The following CNTNAP4 variants were observed in gnomAD, a reference collection of about 807,000 sequenced individuals.
The protein encoded by CNTNAP4 is contactin-associated protein-like 4.
CNTNAP4 carries 98 observed loss-of-function variants against 148.4 expected under a neutral mutation model. That is an observed-to-expected ratio of 0.66 (90% CI 0.56 to 0.78). The LOEUF is 0.78. Ranked by LOEUF, CNTNAP4 falls within the 30% of genes least tolerant of loss-of-function variation. CNTNAP4 has a pLI of 0.00. For missense variants in CNTNAP4, 1,935 were observed against 1,565.6 expected, an observed-to-expected ratio of 1.24 and a Z score of -3.98; for synonymous variants, 730 against 565.1, an observed-to-expected ratio of 1.29 and a Z score of -4.14.
In CNTNAP4 at chr16:76,498,550, T is replaced by C. The variant is rs1205182199; in HGVS notation, c.2238-17T>C. The C allele has an allele frequency of 3.8e-6, 6 of 1,599,246 alleles. No individual in the cohort carries two copies. The highest frequency in any genetic ancestry group is 5.1e-6 in the Non-Finnish European group (6 of 1,174,550). On this transcript the variant is annotated splice_polypyrimidine_tract_variant and intron_variant, in intron 14 of 23. Coordinates refer to ENST00000611870, the MANE Select transcript of CNTNAP4 (RefSeq NM_033401.5). ...TTAAAAGTTCTTAAGAATTTTGTTG[T>C]TGCTATTGTTTTTTAGGACCAATGA...
intron 4 of CNTNAP4, among the ~76,000 whole-genome samples, chr16:76,443,452 G>T (rs1474219746): frequency 6.6e-6 from 1 of 152,102 alleles, no homozygotes; most frequent in Non-Finnish European, 1.5e-5. Context: ...GGACATGGTG[G>T]CAAATTCCTG....
At chr16:76,353,798 G>A (rs534935148) in intron 2 of CNTNAP4, among the ~76,000 whole-genome samples, 4 of 152,162 alleles carry the variant, frequency 2.6e-5, no homozygotes, top group Non-Finnish European at 5.9e-5. Context: ...TCATCTATCA[G>A]AGTATCATTA....
At chr16:76,285,782 T>C (rs1958855984) in intron 1 of CNTNAP4, among the ~76,000 whole-genome samples, 1 of 152,142 alleles carries the variant, frequency 6.6e-6, no homozygotes, top group South Asian at 2.1e-4. Flanking sequence ...TCAATGTCCT[T>C]TGAATAAGGA....
At chr16:76,306,896 G>GTTGA (rs1960534132) in intron 1 of CNTNAP4, among the ~76,000 whole-genome samples, 1 of 152,178 alleles carries the variant, frequency 6.6e-6, no homozygotes, top group Non-Finnish European at 1.5e-5. Context: ...TTTATAGGCA[G>GTTGA]AGGTACATCA....
At chr16:76,300,135 A>T (rs2143923067) in intron 1 of CNTNAP4, among the ~76,000 whole-genome samples, 1 of 152,168 alleles carries the variant, frequency 6.6e-6, no homozygotes. Context: ...CCTAAAACTT[A>T]AAAGTATAAT....
At chr16:76,384,366 A>T (rs1000146785) in intron 3 of CNTNAP4, among the ~76,000 whole-genome samples, 1 of 151,992 alleles carries the variant, frequency 6.6e-6, no homozygotes, top group Admixed American at 6.6e-5. Flanking sequence ...ATACAATACA[A>T]CTTTACTTGT....
intron 1 of CNTNAP4, among the ~76,000 whole-genome samples, chr16:76,289,576 C>T (rs1323688743): frequency 3.4e-5 from 5 of 146,866 alleles, no homozygotes; most frequent in Admixed American, 6.8e-5. Flanking sequence ...TTTTATTTTC[C>T]GCCTGTTTTT....
chr16:76,553,616 T>A (rs1036329698), intron 22 of CNTNAP4, 115 bp downstream of exon 22: 2 of 801,768 alleles, frequency 2.5e-6, no homozygotes, highest in Admixed American at 2.7e-5. Context: ...AAAGTTGGTT[T>A]TGTTTGTTTA....
In CNTNAP4 at chr16:76,357,538, A is replaced by T. The variant is rs57075082; in HGVS notation, c.390+2027A>T. ...CTGTTAAGGTAACATTGCTTTCTAG[A>T]CTCTGCTGTAATTTGTTGATTTACT... On this transcript the variant is annotated intron_variant, in intron 3 of 23. Coordinates refer to ENST00000611870, the MANE Select transcript of CNTNAP4 (RefSeq NM_033401.5). Among the ~76,000 whole-genome samples the T allele has an allele frequency of 1.6e-4, 25 of 152,038 alleles. 1 individual carries two copies. Among genetic ancestry groups the T allele is most frequent in the African/African-American group, 6.0e-4 (25 of 41,382 alleles).
At chr16:76,410,235 T>A (rs2078744344) in intron 3 of CNTNAP4, among the ~76,000 whole-genome samples, 1 of 151,814 alleles carries the variant, frequency 6.6e-6, no homozygotes, top group African/African-American at 2.4e-5. Context: ...TGATTGTTGA[T>A]GTTTGAAAAA....
chr16:76,445,038 CT>C (rs1262871570), intron 4 of CNTNAP4, among the ~76,000 whole-genome samples: 1 of 152,108 alleles, frequency 6.6e-6, no homozygotes, highest in African/African-American at 2.4e-5. Context: ...CTCAGCAATC[CT>C]CAGAGCTCTC....
chr16:76,307,176 G>T (rs905128051), intron 1 of CNTNAP4, among the ~76,000 whole-genome samples: 1 of 152,058 alleles, frequency 6.6e-6, no homozygotes, highest in African/African-American at 2.4e-5. Flanking sequence ...GGCCAACAAT[G>T]TATATAATAT....
Position 76,508,250 on chromosome 16 carries a change from A to T in CNTNAP4, c.2365+9556A>T, listed in dbSNP as rs1333719524. ...GAGACATGAATACATTTTTGGTTCT[A>T]TAAGCAATTAAGTAAATATATACTT... On this transcript the variant is annotated intron_variant, in intron 15 of 23. Coordinates refer to ENST00000611870, the MANE Select transcript of CNTNAP4 (RefSeq NM_033401.5). Among the ~76,000 whole-genome samples, 8 of 42,738 alleles carry T rather than the reference A, an allele frequency of 1.9e-4. 4 individuals are homozygous for T. The highest frequency in any genetic ancestry group is 6.9e-4 in the Admixed American group (2 of 2,882). The allele number at this position is 42,738 out of a possible 152,430, so 28.0% of individuals were successfully genotyped here. A position where few individuals can be genotyped will look rare whatever the true frequency, so the allele number is the denominator to read the frequency against.
intron 4 of CNTNAP4, among the ~76,000 whole-genome samples, chr16:76,439,047 A>C (rs2079940323): frequency 2.6e-5 from 4 of 152,188 alleles, no homozygotes; most frequent in Admixed American, 2.0e-4. Context: ...ACATATTTAC[A>C]TTATAATGTG....
intron 3 of CNTNAP4, among the ~76,000 whole-genome samples, chr16:76,382,670 G>T (rs1254324064): frequency 1.3e-5 from 2 of 151,950 alleles, no homozygotes; most frequent in Non-Finnish European, 2.9e-5. Flanking sequence ...TCCTAGTTTG[G>T]TTTATCAAAA....
intron 12 of CNTNAP4, among the ~76,000 whole-genome samples, chr16:76,487,916 T>G (rs1049120961): frequency 1.3e-5 from 2 of 152,158 alleles, no homozygotes; most frequent in Non-Finnish European, 2.9e-5. Context: ...TACAGGGAAG[T>G]CTCACTCAGT....
rs2078759316 is a variant in CNTNAP4 at position 76,410,626 on chromosome 16, G to A, written c.391-16826G>A. ...GATGAGTTTGTCTTTGTGAAGAATAGGTTAAGCCCTGATTACATTATTACT... is the reference window on the plus strand; with the variant it reads ...GATGAGTTTGTCTTTGTGAAGAATAAGTTAAGCCCTGATTACATTATTACT... On this transcript the variant is annotated intron_variant, in intron 3 of 23. Coordinates refer to ENST00000611870, the MANE Select transcript of CNTNAP4 (RefSeq NM_033401.5). Among the ~76,000 whole-genome samples the A allele has an allele frequency of 2.0e-5, 3 of 151,766 alleles. 1 individual carries two copies. The South Asian group carries it at 6.2e-4, about 32-fold the overall frequency.
intron 4 of CNTNAP4, among the ~76,000 whole-genome samples, chr16:76,432,918 C>G (rs972623714): frequency 2.6e-5 from 4 of 152,144 alleles, no homozygotes; most frequent in African/African-American, 9.6e-5. Context: ...CTTAGGGTTT[C>G]TGCATGATGC....
intron 2 of CNTNAP4, among the ~76,000 whole-genome samples, chr16:76,323,677 C>T (rs1394159348): frequency 6.6e-6 from 1 of 152,142 alleles, no homozygotes; most frequent in Non-Finnish European, 1.5e-5. Flanking sequence ...CCCTCCTTGG[C>T]CCCTTCCTTA....
Sources: allele counts gnomAD v4.1 joint callset (sites outside exome capture counted in the v4.1 genomes callset), GRCh38; gene constraint gnomAD v4.1.1; transcripts MANE v1.5; gene names NCBI Gene and HGNC (gene_info 2026-07-23, HGNC 2026-07-21).